The following CMTR1 variants were observed in gnomAD, a reference collection of about 807,000 sequenced individuals.
The protein encoded by CMTR1 is cap methyltransferase 1, also known as cap-specific mRNA (nucleoside-2'-O-)-methyltransferase 1.
In CMTR1, 39 loss-of-function variants were observed where a neutral mutation model predicts 107.0. The observed-to-expected ratio is 0.36, with a 90% CI of 0.28 to 0.48. The LOEUF (loss-of-function observed/expected upper bound fraction) is 0.48. Ranked by LOEUF, CMTR1 falls within the 20% of genes least tolerant of loss-of-function variation. The pLI is 0.99. For missense variants in CMTR1, 672 were observed against 1,064.9 expected, an observed-to-expected ratio of 0.63 and a Z score of 5.14; for synonymous variants, 366 against 379.5, an observed-to-expected ratio of 0.96 and a Z score of 0.41.
rs761316047 is a variant in CMTR1, at chr6:37,461,944, C to T, written c.1193-26C>T. On this transcript the variant is annotated intron_variant, in intron 11 of 23. Coordinates refer to ENST00000373451, the MANE Select transcript of CMTR1 (RefSeq NM_015050.3). ...TCTCTTGGAATAGACCCATTGGCTG[C>T]TTTTGGTGTTTTCTCTCTAATCTAG... The T allele has an allele frequency of 4.3e-6, 7 of 1,612,900 alleles. No homozygotes were observed. In the African/African-American group the frequency reaches 6.7e-5, roughly 15 times the overall value.
In CMTR1 at chr6:37,459,515, C is replaced by G. The variant is rs191477131; in HGVS notation, c.977-51C>G. The G allele has an allele frequency of 2.4e-4, 360 of 1,505,862 alleles. 2 individuals carry two copies. The East Asian group carries it at 7.8e-3, about 33-fold the overall frequency. 93.3% of individuals were successfully genotyped at this position (1,505,862 alleles called of 1,614,324 possible). On this transcript the variant is annotated intron_variant, in intron 9 of 23. Coordinates refer to ENST00000373451, the MANE Select transcript of CMTR1 (RefSeq NM_015050.3). ...GACCCAGAGCACTCGTGTCCCAGCTCCTGACATGTATAGGGCAGATGAACT... is the reference window on the plus strand; with the variant it reads ...GACCCAGAGCACTCGTGTCCCAGCTGCTGACATGTATAGGGCAGATGAACT...
upstream of CMTR1, among the ~76,000 whole-genome samples, chr6:37,429,643 G>C (rs1395113664): frequency 6.6e-6 from 1 of 152,164 alleles, no homozygotes; most frequent in Non-Finnish European, 1.5e-5. Flanking sequence ...CTGACTGAAA[G>C]TTTACCTGCT....
chr6:37,474,430 T>C (rs1195956032), intron 17 of CMTR1, 94 bp from the exon 18 acceptor site: 1 of 1,447,138 alleles, frequency 6.9e-7, no homozygotes, highest in African/African-American at 1.4e-5. Context: ...TCCCATCAGT[T>C]TGTAGCTGCC....
chr6:37,459,478 C>A, intron 9 of CMTR1, 88 bp from the exon 10 acceptor site: 2 of 1,071,734 alleles, frequency 1.9e-6, no homozygotes, highest in Non-Finnish European at 2.9e-6. Context: ...ACACCTGATG[C>A]CCGTCTTCAC....
At chr6:37,477,369 G>A (rs889055038) in intron 20 of CMTR1, among the ~76,000 whole-genome samples, 7 of 152,170 alleles carry the variant, frequency 4.6e-5, no homozygotes, top group African/African-American at 1.2e-4. Flanking sequence ...TTGCCCTGAC[G>A]CAGGCCTGAG....
intron 2 of CMTR1, among the ~76,000 whole-genome samples, chr6:37,439,396 C>G (rs1017789361): frequency 6.6e-6 from 1 of 152,226 alleles, no homozygotes; most frequent in Non-Finnish European, 1.5e-5. Context: ...AGCTGTGCAT[C>G]TGGTGTAGGC....
At chr6:37,464,043 G>GCAA in intron 13 of CMTR1, among the ~76,000 whole-genome samples, 1 of 152,182 alleles carries the variant, frequency 6.6e-6, no homozygotes, top group East Asian at 1.9e-4. Context: ...GAGTGTTTAA[G>GCAA]CAACTCTATA....
At chr6:37,425,443 C>T in the CMTR1 span, among the ~76,000 whole-genome samples, 31 of 151,488 alleles carry the variant, frequency 2.0e-4, no homozygotes, top group South Asian at 1.0e-3. Flanking sequence ...ATTACAGGCA[C>T]GTGCCACGCC....
In CMTR1 at chr6:37,479,240, C is replaced by G; in HGVS notation, c.2360C>G (p.Ser787Cys). 6.2e-7 allele frequency: 1 copy of G among 1,610,368 alleles called. No homozygotes were observed. Among genetic ancestry groups the G allele is most frequent in the East Asian group, 2.2e-5 (1 of 44,866 alleles). ...KDSTFDLPAD[S>C]IAPFHICYYG... ...TCTACTTTTGACCTCCCTGCAGACT[C>G]CATTGCCCCATTTCAGTAAGTAGCT... is the stretch of plus-strand genomic sequence containing the variant. Residue 787 changes from serine to cysteine, a missense_variant, in exon 23 of 24, where the codon TCC (serine) becomes TGC (cysteine). Transcript: ENST00000373451.
Position 37,472,982 on chromosome 6 carries a change from C to A in CMTR1, c.1690-488C>A, listed in dbSNP as rs1417433362. On this transcript the variant is annotated intron_variant, in intron 16 of 23. Coordinates refer to ENST00000373451, the MANE Select transcript of CMTR1 (RefSeq NM_015050.3). The surrounding 1 kb of genome is among the most constrained non-coding windows in gnomAD (Gnocchi z 4.1). ...ACTCAACCTCCAGCTTTTACTTGGGCCTCATTTAAATCTGTCCCAGATCAT... is the reference window on the plus strand; with the variant it reads ...ACTCAACCTCCAGCTTTTACTTGGGACTCATTTAAATCTGTCCCAGATCAT... 3.9e-5 allele frequency among the ~76,000 whole-genome samples: 6 copies of A among 152,104 alleles called. No individual in the cohort carries two copies. Among genetic ancestry groups the A allele is most frequent in the Non-Finnish European group, 5.9e-5 (4 of 68,028 alleles).
At chr6:37,466,419 C>T (rs942657935) in intron 13 of CMTR1, among the ~76,000 whole-genome samples, 1 of 152,114 alleles carries the variant, frequency 6.6e-6, no homozygotes, top group Non-Finnish European at 1.5e-5. Flanking sequence ...CGGGTGTGAA[C>T]CACTGCACCC....
rs1581744107 is a variant in CMTR1, at chr6:37,463,020, G to A, written c.1505+12G>A. ...CGGTCCAATGAGAGGTAAGCCAACG[G>A]GCTGGTTTTTGCTGGTAACACTGAG... is the stretch of plus-strand genomic sequence containing the variant. On this transcript the variant is annotated intron_variant, in intron 13 of 23. Transcript: ENST00000373451. The A allele has an allele frequency of 6.2e-7, 1 of 1,612,300 alleles. No individual in the cohort carries two copies. Among genetic ancestry groups the A allele is most frequent in the Non-Finnish European group, 8.5e-7 (1 of 1,178,448 alleles).
At chr6:37,439,280 A>G (rs1771613154) in intron 2 of CMTR1, among the ~76,000 whole-genome samples, 2 of 152,226 alleles carry the variant, frequency 1.3e-5, no homozygotes, top group Admixed American at 6.5e-5. Context: ...TTGCTGTCAA[A>G]TAACTTTTTG....
At chr6:37,475,451 GC>G in intron 19 of CMTR1, 39 bp downstream of exon 19, 2 of 1,568,562 alleles carry the variant, frequency 1.3e-6, no homozygotes, top group Non-Finnish European at 1.8e-6. Flanking sequence ...GTGGGGGTAG[GC>G]CAGGGCAGCT....
rs889337451 is a variant in CMTR1 at position 37,457,231 on chromosome 6, A to G, written c.778-1381A>G. Among the ~76,000 whole-genome samples the G allele has an allele frequency of 5.9e-5, 9 of 151,604 alleles. No individual in the cohort carries two copies. The South Asian group carries it at 6.2e-4, about 11-fold the overall frequency. ...GACCTCGTTGCCAAAAAAAAAAAAA[A>G]CAAAAAAACCTGGGGAGAGAGAGCG... On this transcript the variant is annotated intron_variant, in intron 8 of 23. Transcript: ENST00000373451.
intron 2 of CMTR1, among the ~76,000 whole-genome samples, chr6:37,437,972 C>T (rs548946963): frequency 3.9e-5 from 6 of 152,180 alleles, no homozygotes; most frequent in Admixed American, 1.3e-4. Context: ...TCAAGGAAAC[C>T]GTTCTGATTT....
chr6:37,445,636 C>T (rs923120161), intron 3 of CMTR1, among the ~76,000 whole-genome samples: 1 of 151,920 alleles, frequency 6.6e-6, no homozygotes, highest in African/African-American at 2.4e-5. Flanking sequence ...CTACAGGTGC[C>T]TGCCACCATG....
At chr6:37,478,320 T>C (rs547473283) in intron 21 of CMTR1, 89 bp from the exon 22 acceptor site, 1 of 995,816 alleles carries the variant, frequency 1.0e-6, no homozygotes, top group East Asian at 2.4e-5. Flanking sequence ...GATCAGATAC[T>C]GCAGTTGGGG....
chr6:37,481,337 A>G lies in CMTR1; in HGVS notation c.*1192A>G. The G allele has an allele frequency of 8.3e-7, 1 of 1,198,368 alleles. No homozygotes were observed. The allele number at this position is 1,198,368 out of a possible 1,614,324, so 74.2% of individuals were successfully genotyped here. On this transcript the variant is annotated 3_prime_UTR_variant, in exon 24 of 24. Transcript: ENST00000373451. ...TGGTTTCCATGGAGATAGGGCACTG[A>G]GGCTCCCGTGAGGTTGGAATCGACT...
Sources: allele counts gnomAD v4.1 joint callset (sites outside exome capture counted in the v4.1 genomes callset), GRCh38; gene constraint gnomAD v4.1.1; non-coding constraint Gnocchi (gnomAD v3.1); transcripts MANE v1.5; gene names NCBI Gene and HGNC (gene_info 2026-07-23, HGNC 2026-07-21).